Variants in LMBR1 observed in about 807,000 individuals in gnomAD.
LMBR1 encodes limb region 1 protein homolog.
In LMBR1, 52 loss-of-function variants were observed where a neutral mutation model predicts 73.9. The observed-to-expected ratio is 0.70, with a 90% CI of 0.56 to 0.89. The LOEUF is 0.89. LMBR1 is among the 40% of genes least tolerant of loss of function. The pLI is 0.00. For missense variants in LMBR1, 539 were observed against 579.8 expected (o/e 0.93, Z 0.72); for synonymous variants, 215 against 209.4 (o/e 1.03, Z -0.23).
chr7:156,782,666 A>T (rs1483106558), intron 5 of LMBR1, among the ~76,000 whole-genome samples: 3 of 151,932 alleles, frequency 2.0e-5, no homozygotes, highest in African/African-American at 7.3e-5. Flanking sequence ...CGCCTCAGCT[A>T]CCCAAGTAGC....
intron 1 of LMBR1, among the ~76,000 whole-genome samples, chr7:156,851,602 G>C (rs1280306714): frequency 6.6e-6 from 1 of 152,152 alleles, no homozygotes. Context: ...GCTGGGGAGT[G>C]AGGAGAGAAG....
intron 4 of LMBR1, among the ~76,000 whole-genome samples, chr7:156,819,831 T>C (rs6957702): frequency 0.028 from 4,255 of 152,128 alleles, 203 homozygotes; most frequent in African/African-American, 0.097. Context: ...CCTGTGGTTG[T>C]CTCCTCTCTT....
intron 15 of LMBR1, among the ~76,000 whole-genome samples, chr7:156,698,520 C>A (rs756523769): frequency 6.6e-6 from 1 of 152,192 alleles, no homozygotes; most frequent in Admixed American, 6.5e-5. Context: ...GGTGGAGGTT[C>A]CCAAACCTCA....
chr7:156,785,155 T>C (rs1336924558), intron 5 of LMBR1, among the ~76,000 whole-genome samples: 2 of 152,132 alleles, frequency 1.3e-5, no homozygotes, highest in Admixed American at 1.3e-4. Flanking sequence ...CATACACCTG[T>C]AATCCCAGCT....
chr7:156,816,156 T>C (rs1018525092), intron 4 of LMBR1, among the ~76,000 whole-genome samples: 5 of 152,160 alleles, frequency 3.3e-5, no homozygotes, highest in African/African-American at 9.7e-5. Context: ...AAAACAAAGA[T>C]AGTTTATCAA....
chr7:156,816,857 A>G (rs1308108135), intron 4 of LMBR1, among the ~76,000 whole-genome samples: 4 of 152,200 alleles, frequency 2.6e-5, no homozygotes, highest in Non-Finnish European at 5.9e-5. Context: ...TAATTTTGAT[A>G]AATCATTCTT....
rs1405602793 is a variant in LMBR1, at chr7:156,680,416, G to C, written c.*3662C>G. ...AGAGAGAGAGAGAGTGTGTGTGTGT[G>C]TGTGTGTGTAATGGGTTATTTCTTA... On this transcript the variant is annotated 3_prime_UTR_variant, in exon 17 of 17. Transcript: ENST00000353442. The C allele has an allele frequency of 2.3e-5, 3 of 132,186 alleles. No individual in the cohort carries two copies. Among genetic ancestry groups the C allele is most frequent in the Non-Finnish European group, 4.9e-5 (3 of 61,272 alleles). 8.2% of individuals were successfully genotyped at this position (132,186 alleles called of 1,614,324 possible).
intron 1 of LMBR1, among the ~76,000 whole-genome samples, chr7:156,854,918 T>C (rs887546474): frequency 1.3e-5 from 2 of 152,216 alleles, no homozygotes; most frequent in Non-Finnish European, 2.9e-5. Context: ...CTGAAACCTG[T>C]AGCTACTTCA....
chr7:156,725,246 C>T (rs1815490804), intron 14 of LMBR1, among the ~76,000 whole-genome samples, 189 bp downstream of exon 14: 1 of 152,140 alleles, frequency 6.6e-6, no homozygotes, highest in African/African-American at 2.4e-5. Context: ...GAATGGACGC[C>T]ATCCAAATTA....
chr7:156,821,104 A>C (rs1265571250), intron 4 of LMBR1, among the ~76,000 whole-genome samples: 2 of 152,234 alleles, frequency 1.3e-5, no homozygotes, highest in Non-Finnish European at 2.9e-5. Flanking sequence ...GCCCATCATG[A>C]ACTGAATGTT....
At chr7:156,784,709 C>T (rs1013928165) in intron 5 of LMBR1, among the ~76,000 whole-genome samples, 8 of 152,194 alleles carry the variant, frequency 5.3e-5, no homozygotes, top group East Asian at 1.9e-4. Flanking sequence ...ATCTTTTATA[C>T]GGGGGAAGTC....
At chr7:156,708,446 A>T (rs868549226) in intron 15 of LMBR1, among the ~76,000 whole-genome samples, 62 of 152,170 alleles carry the variant, frequency 4.1e-4, no homozygotes, top group African/African-American at 1.4e-3. Flanking sequence ...CCACACAAAA[A>T]ATAAAAGCAG....
Position 156,845,444 on chromosome 7 carries a change from AG to A in LMBR1, c.67-8560del, listed in dbSNP as rs1397673467. ...AGAAAAATCCAGACTATGTAGTAAA[AG>A]ACAGGAAGACAAAAATAGTTATGAA... On this transcript the variant is annotated intron_variant, in intron 1 of 16. Coordinates refer to ENST00000353442, the MANE Select transcript of LMBR1 (RefSeq NM_022458.4). Among the ~76,000 whole-genome samples, 6 of 152,270 alleles carry A rather than the reference AG, an allele frequency of 3.9e-5. No homozygotes were observed. The East Asian group carries it at 1.2e-3, about 29-fold the overall frequency.
chr7:156,837,912 G>A (rs1476420606), intron 1 of LMBR1, among the ~76,000 whole-genome samples: 6 of 151,122 alleles, frequency 4.0e-5, no homozygotes, highest in African/African-American at 7.3e-5. Flanking sequence ...TCAGCCTGCC[G>A]AGTAACTGGG....
intron 1 of LMBR1, among the ~76,000 whole-genome samples, chr7:156,890,493 C>A: frequency 6.6e-6 from 1 of 152,190 alleles, no homozygotes; most frequent in Middle Eastern, 3.4e-3. Context: ...AAAGACCTTG[C>A]AAATCAATAT....
chr7:156,700,546 T>C (rs570161674), intron 15 of LMBR1, among the ~76,000 whole-genome samples: 18 of 151,996 alleles, frequency 1.2e-4, no homozygotes, highest in Non-Finnish European at 2.6e-4. Flanking sequence ...AGTATAATAA[T>C]AATAAAATTT....
chr7:156,726,177 A>T (rs1211806998), intron 12 of LMBR1: 1 of 204,200 alleles, frequency 4.9e-6, no homozygotes, highest in Non-Finnish European at 9.7e-6. Flanking sequence ...AAGAGTTTTT[A>T]AAAACACAAT....
chr7:156,884,993 C>T (rs1801652343), intron 1 of LMBR1, among the ~76,000 whole-genome samples: 1 of 152,146 alleles, frequency 6.6e-6, no homozygotes, highest in Non-Finnish European at 1.5e-5. Flanking sequence ...CCATTATCTC[C>T]CCACCTCCCA....
intron 1 of LMBR1, among the ~76,000 whole-genome samples, chr7:156,879,565 G>A (rs1800737638): frequency 6.6e-6 from 1 of 151,776 alleles, no homozygotes; most frequent in Non-Finnish European, 1.5e-5. Context: ...TCGGAGGGCT[G>A]AGGCAGGAGA....
Sources: gnomAD v4.1 joint callset for allele counts (sites outside exome capture counted in the v4.1 genomes callset) on GRCh38, gnomAD v4.1.1 for gene constraint, MANE v1.5 for transcripts, NCBI Gene and HGNC (gene_info 2026-07-23, HGNC 2026-07-21) for gene names.